The following SLC2A13 variants were observed in gnomAD, a reference collection of about 807,000 sequenced individuals.
SLC2A13 encodes solute carrier family 2 member 13.
SLC2A13 carries 32 observed loss-of-function variants against 64.4 expected under a neutral mutation model. The observed-to-expected ratio is 0.50, with a 90% CI of 0.37 to 0.67. The LOEUF (loss-of-function observed/expected upper bound fraction) is 0.67, where lower values mean the gene tolerates loss of function less well. Ranked by LOEUF, SLC2A13 falls within the 30% of genes least tolerant of loss-of-function variation. The pLI, the probability that SLC2A13 is intolerant of heterozygous loss-of-function variation, is 0.00. For missense variants in SLC2A13, 743 were observed against 829.2 expected (o/e 0.90, Z 1.28); for synonymous variants, 338 against 327.1 (o/e 1.03, Z -0.36).
chr12:40,101,693 A>C (rs1325045179), intron 1 of SLC2A13, among the ~76,000 whole-genome samples: 1 of 152,186 alleles, frequency 6.6e-6, no homozygotes, highest in Non-Finnish European at 1.5e-5. Flanking sequence ...TTCCAGTCTC[A>C]TGACCACCTC....
chr12:39,992,632 G>T (rs1947155379), intron 3 of SLC2A13, among the ~76,000 whole-genome samples: 1 of 151,994 alleles, frequency 6.6e-6, no homozygotes, highest in Admixed American at 6.6e-5. Flanking sequence ...CATCACTTAA[G>T]ATTCTTATAA....
chr12:39,945,911 TG>T (rs990200659), intron 4 of SLC2A13, among the ~76,000 whole-genome samples: 1 of 148,472 alleles, frequency 6.7e-6, no homozygotes, highest in Non-Finnish European at 1.5e-5. Flanking sequence ...TGATTTTTTG[TG>T]GGGGGGTGTT....
At chr12:39,925,296 G>C (rs1945706478) in intron 4 of SLC2A13, among the ~76,000 whole-genome samples, 1 of 152,076 alleles carries the variant, frequency 6.6e-6, no homozygotes, top group African/African-American at 2.4e-5. Context: ...ACCTCCCAAA[G>C]TGTTGGGATT....
chr12:39,967,842 T>G (rs1421627707), intron 3 of SLC2A13, among the ~76,000 whole-genome samples: 1 of 152,202 alleles, frequency 6.6e-6, no homozygotes, highest in African/African-American at 2.4e-5. Context: ...AGCTAAATTA[T>G]TTCTAAGAAA....
At chr12:39,992,598 C>T (rs902265462) in intron 3 of SLC2A13, among the ~76,000 whole-genome samples, 3 of 151,710 alleles carry the variant, frequency 2.0e-5, no homozygotes, top group Non-Finnish European at 2.9e-5. Flanking sequence ...GGAAAATGGC[C>T]GTGACAGTTA....
intron 4 of SLC2A13, among the ~76,000 whole-genome samples, chr12:39,917,979 C>T (rs140633137): frequency 0.011 from 1,733 of 152,014 alleles, 18 homozygotes; most frequent in Middle Eastern, 0.02. Flanking sequence ...AGGTAATTAA[C>T]AAAAATGAAA....
Position 39,823,119 on chromosome 12 carries a change from C to T in SLC2A13, c.1445+6984G>A, listed in dbSNP as rs147528621. Among the ~76,000 whole-genome samples, 1,164 of 152,266 alleles carry T rather than the reference C, an allele frequency of 7.6e-3. 22 individuals are homozygous for T. Among genetic ancestry groups the T allele is most frequent in the African/African-American group, 0.027 (1,104 of 41,554 alleles). ...CTTCCAAACACATAACATGCAGCTA[C>T]AGATACTAAAGAGAATAATCTACCA... is the stretch of plus-strand genomic sequence containing the variant. On this transcript the variant is annotated intron_variant, in intron 7 of 9. Transcript: ENST00000280871.
intron 4 of SLC2A13, among the ~76,000 whole-genome samples, chr12:39,883,882 T>A (rs1944405662): frequency 6.6e-6 from 1 of 152,178 alleles, no homozygotes; most frequent in Admixed American, 6.5e-5. Flanking sequence ...CGGAAGTATA[T>A]TCACGTAGAA....
intron 6 of SLC2A13, among the ~76,000 whole-genome samples, chr12:39,862,303 T>C (rs1943784553): frequency 1.3e-5 from 2 of 152,246 alleles, no homozygotes; most frequent in Admixed American, 6.5e-5. Flanking sequence ...CCAATATTTA[T>C]TGAATTAAAA....
intron 7 of SLC2A13, among the ~76,000 whole-genome samples, chr12:39,803,930 T>C (rs1941885540): frequency 6.6e-6 from 1 of 151,926 alleles, no homozygotes; most frequent in South Asian, 2.1e-4. Context: ...TCTATCAAGA[T>C]ACATCAGTAT....
rs760171037 is a variant in SLC2A13, at chr12:39,764,725, G to A, written c.1567+12C>T. On this transcript the variant is annotated intron_variant, in intron 8 of 9. Transcript: ENST00000280871. ...TCAATTAATGCAACAGTATAACAAA[G>A]TCTTTGTTTACCAGGTGCAAAGAAG... 1 of 1,611,016 alleles carries A rather than the reference G, an allele frequency of 6.2e-7. No homozygotes were observed. Among genetic ancestry groups the A allele is most frequent in the East Asian group, 2.2e-5 (1 of 44,792 alleles).
chr12:39,864,909 A>G, intron 5 of SLC2A13, 27 bp from the exon 6 acceptor site: 1 of 1,596,348 alleles, frequency 6.3e-7, no homozygotes, highest in East Asian at 2.2e-5. Context: ...TTTATATTAG[A>G]GAAGAGTTGA....
At chr12:39,861,108 A>G (rs938957276) in intron 6 of SLC2A13, among the ~76,000 whole-genome samples, 1 of 152,126 alleles carries the variant, frequency 6.6e-6, no homozygotes, top group Non-Finnish European at 1.5e-5. Flanking sequence ...GGATCTTTGT[A>G]CCTGCCATTC....
intron 1 of SLC2A13, among the ~76,000 whole-genome samples, chr12:40,087,367 T>C (rs1176094167): frequency 6.6e-6 from 1 of 152,208 alleles, no homozygotes; most frequent in Non-Finnish European, 1.5e-5. Flanking sequence ...CCCCTCTGTG[T>C]TTCTTCCATT....
intron 7 of SLC2A13, among the ~76,000 whole-genome samples, chr12:39,788,168 G>A (rs942386203): frequency 6.6e-6 from 1 of 152,018 alleles, no homozygotes; most frequent in Non-Finnish European, 1.5e-5. Context: ...CTCATACCTA[G>A]TACCAAACCC....
At chr12:39,951,098 T>A (rs760139673) in intron 4 of SLC2A13, 159 bp downstream of exon 4, 2 of 534,490 alleles carry the variant, frequency 3.7e-6, no homozygotes, top group Non-Finnish European at 3.2e-6. Flanking sequence ...ATTACTGGAA[T>A]TAAAAAATTG....
chr12:39,938,770 T>C (rs1945967300), intron 4 of SLC2A13, among the ~76,000 whole-genome samples: 1 of 152,048 alleles, frequency 6.6e-6, no homozygotes, highest in South Asian at 2.1e-4. Context: ...TGCTAACTTA[T>C]TTTTACACAT....
At chr12:39,780,535 G>T (rs116675769) in intron 7 of SLC2A13, among the ~76,000 whole-genome samples, 1 of 152,160 alleles carries the variant, frequency 6.6e-6, no homozygotes, top group Admixed American at 6.6e-5. Flanking sequence ...GCAGGTCTGC[G>T]CCTCTGTGTC....
intron 7 of SLC2A13, among the ~76,000 whole-genome samples, chr12:39,823,507 T>C (rs1400940461): frequency 6.6e-6 from 1 of 152,172 alleles, no homozygotes; most frequent in African/African-American, 2.4e-5. Context: ...TTGTAATACA[T>C]TTGGTCTTAT....
Sources: allele counts gnomAD v4.1 joint callset (sites outside exome capture counted in the v4.1 genomes callset), GRCh38; gene constraint gnomAD v4.1.1; transcripts MANE v1.5; gene names NCBI Gene and HGNC (gene_info 2026-07-23, HGNC 2026-07-21).